The following ZRANB1 variants were observed in gnomAD, a reference collection of about 807,000 sequenced individuals.
ZRANB1 encodes zinc finger RANBP2-type containing 1.
ZRANB1 carries 16 observed loss-of-function variants against 80.5 expected under a neutral mutation model. That is an observed-to-expected ratio of 0.20 (90% CI 0.13 to 0.30). The LOEUF is 0.30. Ranked by LOEUF, ZRANB1 falls within the 10% of genes least tolerant of loss-of-function variation. ZRANB1 has a pLI of 1.00. For synonymous variants in ZRANB1, 291 were observed against 293.1 expected, an observed-to-expected ratio of 0.99 and a Z score of 0.07; for missense variants, 576 against 862.6, an observed-to-expected ratio of 0.67 and a Z score of 4.16.
At chr10:124,939,851 T>C (rs191058502), upstream of ZRANB1, among the ~76,000 whole-genome samples, 631 of 152,314 alleles carry the variant, frequency 4.1e-3, 3 homozygotes, top group Middle Eastern at 0.02. Context: ...TCTGGATGGT[T>C]ATATCATTAT....
intron 1 of ZRANB1, 68 bp downstream of exon 1, chr10:124,943,375 C>T: frequency 6.9e-7 from 1 of 1,442,568 alleles, no homozygotes; most frequent in East Asian, 2.3e-5. Flanking sequence ...ATGAAAAGAG[C>T]TGGGTGCGCT....
chr10:124,964,642 A>G (rs1247183986), intron 1 of ZRANB1, among the ~76,000 whole-genome samples: 1 of 152,242 alleles, frequency 6.6e-6, no homozygotes, highest in Non-Finnish European at 1.5e-5. Context: ...TTTTTCAGCT[A>G]AATTGATCAG....
intron 6 of ZRANB1, among the ~76,000 whole-genome samples, chr10:124,982,327 G>A (rs1951942467): frequency 6.6e-6 from 1 of 152,180 alleles, no homozygotes; most frequent in South Asian, 2.1e-4. Context: ...TCCCTGTGGT[G>A]AGGCAATACC....
chr10:124,963,135 G>A (rs915925193), intron 1 of ZRANB1, among the ~76,000 whole-genome samples: 2 of 151,982 alleles, frequency 1.3e-5, no homozygotes, highest in Non-Finnish European at 2.9e-5. Context: ...GTGTGGTGGT[G>A]TGCGCCAGTA....
upstream of ZRANB1, chr10:124,940,441 C>T: frequency 8.4e-7 from 1 of 1,196,666 alleles, no homozygotes; most frequent in Non-Finnish European, 1.1e-6. Context: ...AGTCAGAATT[C>T]TGAGCCAGCA....
At chr10:124,920,700 C>G in the ZRANB1 span, among the ~76,000 whole-genome samples, 1 of 152,040 alleles carries the variant, frequency 6.6e-6, no homozygotes, top group East Asian at 1.9e-4. Flanking sequence ...CCTTTTTTGA[C>G]TACTTTAACC....
At chr10:124,965,126 C>G (rs1951766501) in intron 1 of ZRANB1, among the ~76,000 whole-genome samples, 1 of 152,112 alleles carries the variant, frequency 6.6e-6, no homozygotes. Flanking sequence ...CTTGATTAAG[C>G]TTTAGCTTTG....
Position 124,983,996 on chromosome 10 carries a change from C to G in ZRANB1, c.1908+308C>G, listed in dbSNP as rs1951968863. ...TCTGAAAGCAGAGTTCCAAGAATTG[C>G]AAGGCCAGTGTGGTTTAAGAGGGGA... On this transcript the variant is annotated intron_variant, in intron 8 of 8. Transcript: ENST00000359653. The surrounding 1 kb of genome is among the most constrained non-coding windows in gnomAD (Gnocchi z 6.2). Among the ~76,000 whole-genome samples, 1 of 151,896 alleles carries G rather than the reference C, an allele frequency of 6.6e-6. No homozygotes were observed.
At chr10:124,980,787 C>T (rs1045911312) in intron 5 of ZRANB1, among the ~76,000 whole-genome samples, 10 of 151,868 alleles carry the variant, frequency 6.6e-5, no homozygotes, top group African/African-American at 1.7e-4. Context: ...TTTTTCCCCC[C>T]GCAATATAGC....
intron 1 of ZRANB1, among the ~76,000 whole-genome samples, chr10:124,943,530 T>C (rs962671333): frequency 1.4e-5 from 2 of 145,802 alleles, no homozygotes; most frequent in African/African-American, 5.2e-5. Context: ...AAAATGTGAG[T>C]GTGTGTGTGT....
chr10:124,933,179 C>G, the ZRANB1 span, among the ~76,000 whole-genome samples: 1 of 149,048 alleles, frequency 6.7e-6, no homozygotes, highest in African/African-American at 2.5e-5. Context: ...TCTTGTTGCC[C>G]AGGCTGGAGA....
chr10:124,928,147 A>G, the ZRANB1 span, among the ~76,000 whole-genome samples: 3 of 152,242 alleles, frequency 2.0e-5, no homozygotes, highest in African/African-American at 7.2e-5. Context: ...TTGAAGGAGC[A>G]GTACCAGATT....
At chr10:124,988,186 GTAAT>G (rs1200878871) in exon 9 of ZRANB1, 4 of 152,580 alleles carry the variant, frequency 2.6e-5, no homozygotes, top group African/African-American at 9.7e-5. Flanking sequence ...GTTATCACAG[GTAAT>G]TAATTGTCAG....
At chr10:124,975,998 G>A (rs1030735069) in intron 5 of ZRANB1, among the ~76,000 whole-genome samples, 6 of 152,130 alleles carry the variant, frequency 3.9e-5, no homozygotes, top group African/African-American at 1.2e-4. Flanking sequence ...GAGTGAGACT[G>A]TCTTGTGGGG....
chr10:124,969,518 T>C (rs1951803353), intron 2 of ZRANB1, among the ~76,000 whole-genome samples: 1 of 152,144 alleles, frequency 6.6e-6, no homozygotes, highest in Non-Finnish European at 1.5e-5. Context: ...GATATGTATG[T>C]GGGGCAGGAA....
the ZRANB1 span, among the ~76,000 whole-genome samples, chr10:124,927,893 T>C: frequency 6.6e-6 from 1 of 152,000 alleles, no homozygotes; most frequent in African/African-American, 2.4e-5. Context: ...AAAAATTAGC[T>C]GGGCGTGGTG....
intron 6 of ZRANB1, 145 bp downstream of exon 6, chr10:124,981,974 T>A: frequency 1.1e-6 from 1 of 917,956 alleles, no homozygotes; most frequent in Non-Finnish European, 1.7e-6. Context: ...TGGGTTCTAG[T>A]GATGACTGCT....
chr10:124,973,558 T>C (rs559097215), intron 3 of ZRANB1, 87 bp from the exon 4 acceptor site: 1 of 1,147,392 alleles, frequency 8.7e-7, no homozygotes, highest in South Asian at 1.4e-5. Flanking sequence ...AGAAAGTTAC[T>C]AGTAGGTAAT....
the ZRANB1 span, among the ~76,000 whole-genome samples, chr10:124,936,993 C>T: frequency 2.6e-5 from 4 of 151,910 alleles, no homozygotes; most frequent in East Asian, 3.9e-4. Flanking sequence ...CTCGCCGGGC[C>T]GCCCGGGCTG....
Sources: gnomAD v4.1 joint callset for allele counts (sites outside exome capture counted in the v4.1 genomes callset) on GRCh38, gnomAD v4.1.1 for gene constraint, Gnocchi (gnomAD v3.1) non-coding constraint, MANE v1.5 for transcripts, NCBI Gene and HGNC (gene_info 2026-07-23, HGNC 2026-07-21) for gene names.